The following MECOM variants were observed in gnomAD, a reference collection of about 807,000 sequenced individuals.
The protein encoded by MECOM is MDS1 and EVI1 complex locus.
A neutral mutation model predicts 116.3 loss-of-function variants in MECOM; 13 were observed. The ratio of observed to expected loss-of-function variants is 0.11; its 90% CI spans 0.07 to 0.18. The LOEUF (loss-of-function observed/expected upper bound fraction) is 0.18. Among genes scored for constraint, MECOM ranks in the 10% least tolerant of loss-of-function variants. The pLI is 1.00. For synonymous variants in MECOM, 528 were observed against 535.2 expected (o/e 0.99, Z 0.19); for missense variants, 1,299 against 1,509.0 (o/e 0.86, Z 2.31).
At chr3:169,604,136 A>G (rs1768180966) in intron 1 of MECOM, among the ~76,000 whole-genome samples, 1 of 152,114 alleles carries the variant, frequency 6.6e-6, no homozygotes. Flanking sequence ...ATTAATGAGT[A>G]TTTGTGTGTA....
At position 169,500,459 on chromosome 3, in the gene MECOM, T is replaced by C. The variant is rs574558758; in HGVS notation, c.38-118935A>G. Among the ~76,000 whole-genome samples, 8 of 152,150 alleles carry C rather than the reference T, an allele frequency of 5.3e-5. No individual in the cohort carries two copies. The South Asian group carries it at 1.7e-3, about 32-fold the overall frequency. ...AAACCATATTTTAAAAATTGATATA[T>C]GGAGAAAAACCAAATTTAACATTAG... On this transcript the variant is annotated intron_variant, in intron 1 of 16. Coordinates refer to ENST00000651503, the MANE Select transcript of MECOM (RefSeq NM_004991.4).
At chr3:169,175,531 G>A (rs557141304) in intron 2 of MECOM, among the ~76,000 whole-genome samples, 218 of 152,212 alleles carry the variant, frequency 1.4e-3, no homozygotes, top group African/African-American at 5.1e-3. Flanking sequence ...TTATGTATAT[G>A]CAAATATTCC....
chr3:169,449,844 A>G (rs1165749572), intron 1 of MECOM, among the ~76,000 whole-genome samples: 1 of 152,196 alleles, frequency 6.6e-6, no homozygotes, highest in East Asian at 1.9e-4. Flanking sequence ...CTGGAGACCA[A>G]AGAATTACAA....
chr3:169,418,532 A>C (rs2108494893), intron 1 of MECOM, among the ~76,000 whole-genome samples: 1 of 152,308 alleles, frequency 6.6e-6, no homozygotes, highest in African/African-American at 2.4e-5. Flanking sequence ...GCAGCACATC[A>C]AAAAGCTTAT....
chr3:169,420,284 T>A (rs1000516185), intron 1 of MECOM, among the ~76,000 whole-genome samples: 6 of 151,918 alleles, frequency 3.9e-5, no homozygotes, highest in Non-Finnish European at 7.4e-5. Flanking sequence ...ATAGCCAGAG[T>A]GATGTCCTAG....
intron 4 of MECOM, 39 bp from the exon 5 acceptor site, chr3:169,128,099 G>A: frequency 2.5e-6 from 4 of 1,591,364 alleles, no homozygotes; most frequent in Non-Finnish European, 3.4e-6. Flanking sequence ...GGGTGGTCAG[G>A]AATTGCCATC....
At chr3:169,450,423 G>A (rs760170113) in intron 1 of MECOM, among the ~76,000 whole-genome samples, 2 of 152,038 alleles carry the variant, frequency 1.3e-5, no homozygotes, top group African/African-American at 2.4e-5. Flanking sequence ...TTCCTTGCAG[G>A]TGAGACAAAT....
chr3:169,475,001 A>T (rs1750116363), intron 1 of MECOM, among the ~76,000 whole-genome samples: 1 of 152,172 alleles, frequency 6.6e-6, no homozygotes, highest in Admixed American at 6.5e-5. Context: ...GCTGAGTTCC[A>T]ATTTCAGTTT....
chr3:169,602,929 T>C (rs548321413), intron 1 of MECOM, among the ~76,000 whole-genome samples: 1 of 152,308 alleles, frequency 6.6e-6, no homozygotes, highest in South Asian at 2.1e-4. Flanking sequence ...ATGTGGTGAA[T>C]AAGTTCACAG....
rs1712919574 is a variant in MECOM, at chr3:169,284,757, G to A, written c.375+96430C>T. Among the ~76,000 whole-genome samples, 5 of 152,102 alleles carry A rather than the reference G, an allele frequency of 3.3e-5. No homozygotes were observed. In the South Asian group the frequency reaches 1.0e-3, roughly 32 times the overall value. On this transcript the variant is annotated intron_variant, in intron 2 of 16. Coordinates refer to ENST00000651503, the MANE Select transcript of MECOM (RefSeq NM_004991.4). ...GCACTCATCAAAAGTCCCATCACTA[G>A]GAGTCAAAGGTGAATGACACAGTGA...
At chr3:169,445,811 A>T (rs1372690738) in intron 1 of MECOM, among the ~76,000 whole-genome samples, 1 of 152,230 alleles carries the variant, frequency 6.6e-6, no homozygotes. Context: ...AGACCATGGG[A>T]ACCCCCTCTT....
intron 13 of MECOM, 87 bp from the exon 14 acceptor site, chr3:169,093,189 GT>G: frequency 7.2e-7 from 1 of 1,388,800 alleles, no homozygotes; most frequent in South Asian, 1.4e-5. Context: ...AATTTGATCA[GT>G]GCTGTTTCTT....
rs182024427 is a variant in MECOM, at chr3:169,402,151, C to T, written c.38-20627G>A. Among the ~76,000 whole-genome samples the T allele has an allele frequency of 5.3e-5, 8 of 152,148 alleles. No individual in the cohort carries two copies. In the East Asian group the frequency reaches 1.2e-3, roughly 22 times the overall value. ...AAGAGAGTCCAATAAGGGAGTGGAACGGGGATAAAATAAACTTCAATGAGC... is the reference window on the plus strand; with the variant it reads ...AAGAGAGTCCAATAAGGGAGTGGAATGGGGATAAAATAAACTTCAATGAGC... On this transcript the variant is annotated intron_variant, in intron 1 of 16. Transcript: ENST00000651503.
chr3:169,287,519 A>C (rs1240736104), intron 2 of MECOM, among the ~76,000 whole-genome samples: 1 of 152,228 alleles, frequency 6.6e-6, no homozygotes, highest in Admixed American at 6.5e-5. Flanking sequence ...ACAAAGCATA[A>C]TTCCAGAGAA....
At chr3:169,594,398 T>G (rs1766878232) in intron 1 of MECOM, among the ~76,000 whole-genome samples, 2 of 152,062 alleles carry the variant, frequency 1.3e-5, no homozygotes, top group Admixed American at 6.6e-5. Context: ...GCCCTCACAA[T>G]GTAGTCCCTG....
rs142538496 is a variant in MECOM, at chr3:169,620,839, T to A, written c.37+42497A>T. Among the ~76,000 whole-genome samples, 987 of 137,502 alleles carry A rather than the reference T, an allele frequency of 7.2e-3. 6 individuals carry two copies. The highest frequency in any genetic ancestry group is 0.014 in the Admixed American group (189 of 13,774). The allele number at this position is 137,502 out of a possible 152,430, so 90.2% of individuals were successfully genotyped here. On this transcript the variant is annotated intron_variant, in intron 1 of 16. Transcript: ENST00000651503. ...CTAGTTTTTTTAAAGTATCTTTATTTTCTTTTCTGTAAAATAGGAGATAGA... is the reference window on the plus strand; with the variant it reads ...CTAGTTTTTTTAAAGTATCTTTATTATCTTTTCTGTAAAATAGGAGATAGA...
intron 1 of MECOM, among the ~76,000 whole-genome samples, chr3:169,635,928 AAACCT>A (rs1772691263): frequency 1.3e-5 from 2 of 152,228 alleles, no homozygotes; most frequent in South Asian, 4.1e-4. Flanking sequence ...TTAATTTTTT[AAACCT>A]AAATGCACAA....
chr3:169,270,304 T>C (rs910572131), intron 2 of MECOM, among the ~76,000 whole-genome samples: 3 of 152,000 alleles, frequency 2.0e-5, no homozygotes, highest in African/African-American at 7.2e-5. Context: ...GAAAAATAAA[T>C]CCTAAATACG....
chr3:169,259,018 AGG>A (rs1044155277), intron 2 of MECOM, among the ~76,000 whole-genome samples: 1 of 152,164 alleles, frequency 6.6e-6, no homozygotes, highest in African/African-American at 2.4e-5. Context: ...CCCAAATCTC[AGG>A]CTCTCGACTC....
Sources: allele counts gnomAD v4.1 joint callset (sites outside exome capture counted in the v4.1 genomes callset), GRCh38; gene constraint gnomAD v4.1.1; transcripts MANE v1.5; gene names NCBI Gene and HGNC (gene_info 2026-07-23, HGNC 2026-07-21).